MBD2: variants seen among roughly 807,000 people sequenced by gnomAD.
The protein encoded by MBD2 is methyl-CpG-binding domain protein 2.
A neutral mutation model predicts 39.3 loss-of-function variants in MBD2; 9 were observed. The ratio of observed to expected loss-of-function variants is 0.23; its 90% CI spans 0.14 to 0.40. The LOEUF is 0.40. MBD2 is among the 10% of genes least tolerant of loss of function. MBD2 has a pLI of 1.00. For synonymous variants in MBD2, 233 were observed against 211.1 expected (o/e 1.10, Z -0.90); for missense variants, 458 against 532.6 (o/e 0.86, Z 1.38).
intron 6 of MBD2, among the ~76,000 whole-genome samples, 165 bp from the exon 7 acceptor site, chr18:54,155,476 C>T (rs1330397980): frequency 6.6e-6 from 1 of 152,182 alleles, no homozygotes. Context: ...ATAAAAAGTG[C>T]TCAACATATC....
intron 3 of MBD2, 92 bp from the exon 4 acceptor site, chr18:54,166,258 C>G: frequency 1.3e-6 from 1 of 745,924 alleles, no homozygotes; most frequent in South Asian, 1.8e-5. Flanking sequence ...TAAATCATTT[C>G]AATAGTTTCC....
At chr18:54,195,243 G>C (rs1323730604) in intron 2 of MBD2, among the ~76,000 whole-genome samples, 1 of 151,858 alleles carries the variant, frequency 6.6e-6, no homozygotes, top group African/African-American at 2.4e-5. Context: ...TTTTCAGTAT[G>C]GCTTTGAAAT....
At position 54,218,921 on chromosome 18, in the gene MBD2, C is replaced by G. The variant is rs149644522; in HGVS notation, c.542+5097G>C. Among the ~76,000 whole-genome samples the G allele has an allele frequency of 2.2e-3, 332 of 150,224 alleles. 3 individuals carry two copies. The highest frequency in any genetic ancestry group is 7.6e-3 in the African/African-American group (309 of 40,586). ...AGGTTGCAGTGAGCTGAGATTGCAC[C>G]ACTGCACTCCAGCCTAGGTGACAAA... On this transcript the variant is annotated intron_variant, in intron 1 of 6. Transcript: ENST00000256429.
intron 1 of MBD2, among the ~76,000 whole-genome samples, chr18:54,222,957 A>C (rs1194636774): frequency 6.6e-6 from 1 of 152,250 alleles, no homozygotes; most frequent in Non-Finnish European, 1.5e-5. Context: ...AGAGGACAGG[A>C]AATCCTTTAT....
At position 54,192,520 on chromosome 18, in the gene MBD2, T is replaced by C. The variant is rs558042139; in HGVS notation, c.703-3509A>G. Among the ~76,000 whole-genome samples, 4 of 152,258 alleles carry C rather than the reference T, an allele frequency of 2.6e-5. No individual in the cohort carries two copies. The East Asian group carries it at 7.7e-4, about 29-fold the overall frequency. On this transcript the variant is annotated intron_variant, in intron 2 of 6. Coordinates refer to ENST00000256429, the MANE Select transcript of MBD2 (RefSeq NM_003927.5). Reference sequence around the variant, plus strand: ...TGCTGGGATTACAGACATGAGCCACTGCACCCAGCCTTTGTTCTTAATAAA... The same window carrying C: ...TGCTGGGATTACAGACATGAGCCACCGCACCCAGCCTTTGTTCTTAATAAA...
At chr18:54,205,294 AGGCGCGATGGCTCACGCC>A in intron 1 of MBD2, 137 bp from the exon 2 acceptor site, 3 of 822,774 alleles carry the variant, frequency 3.6e-6, no homozygotes, top group Non-Finnish European at 5.5e-6. Flanking sequence ...AAGTTTTGCT[AGGCGCGATGGCTCACGCC>A]TATAATCCCA....
chr18:54,209,957 A>AAAAT (rs548573271), intron 1 of MBD2, among the ~76,000 whole-genome samples: 62 of 152,232 alleles, frequency 4.1e-4, no homozygotes, highest in Non-Finnish European at 7.3e-4. Flanking sequence ...TTTTATTTTA[A>AAAAT]AAGCATCAAT....
rs2086023831 is a variant in MBD2 at position 54,151,869 on chromosome 18, C to T, written c.*3455G>A. The T allele has an allele frequency of 6.7e-6, 1 of 148,462 alleles. No homozygotes were observed. The highest frequency in any genetic ancestry group is 1.5e-5 in the Non-Finnish European group (1 of 67,452). 9.2% of individuals were successfully genotyped at this position (148,462 alleles called of 1,614,324 possible). ...AAAACACCCTGGAAGCCACCAAGGG[C>T]ATTTCTTTCCTTTATAATACATACA... is the stretch of plus-strand genomic sequence containing the variant. On this transcript the variant is annotated 3_prime_UTR_variant, in exon 7 of 7. Transcript: ENST00000256429.
Position 54,224,663 on chromosome 18 carries a change from G to A in MBD2, c.-104C>T. ...CGCGGCGCGCGGGGGACGCGCGCAA[G>A]CATCATAGAGCGGGCGCGCACAGAG... On this transcript the variant is annotated 5_prime_UTR_variant, in exon 1 of 7. Coordinates refer to ENST00000256429, the MANE Select transcript of MBD2 (RefSeq NM_003927.5). 2 of 848,464 alleles carry A rather than the reference G, an allele frequency of 2.4e-6. No homozygotes were observed. The highest frequency in any genetic ancestry group is 3.3e-5 in the East Asian group (1 of 29,914). The allele number at this position is 848,464 out of a possible 1,614,324, so 52.6% of individuals were successfully genotyped here.
chr18:54,179,807 C>T (rs970921598), intron 3 of MBD2, among the ~76,000 whole-genome samples: 1 of 152,058 alleles, frequency 6.6e-6, no homozygotes, highest in African/African-American at 2.4e-5. Context: ...AAAATGTTCC[C>T]TGACATCACG....
intron 1 of MBD2, among the ~76,000 whole-genome samples, chr18:54,212,118 C>A (rs780906590): frequency 1.5e-3 from 222 of 152,248 alleles, no homozygotes; most frequent in African/African-American, 4.5e-3. Flanking sequence ...TACCTAGTGA[C>A]CTTTGCTCCA....
intron 1 of MBD2, among the ~76,000 whole-genome samples, chr18:54,217,731 G>C (rs761630082): frequency 6.6e-6 from 1 of 152,146 alleles, no homozygotes; most frequent in East Asian, 1.9e-4. Flanking sequence ...AAAGCAATGT[G>C]AAAAAATCTA....
At chr18:54,217,639 CA>C (rs1488637697) in intron 1 of MBD2, among the ~76,000 whole-genome samples, 3 of 151,586 alleles carry the variant, frequency 2.0e-5, no homozygotes, top group African/African-American at 7.3e-5. Context: ...AAACCAAAAT[CA>C]AAAAAAGCAT....
At position 54,187,314 on chromosome 18, in the gene MBD2, C is replaced by T. The variant is rs115995817; in HGVS notation, c.840+1560G>A. On this transcript the variant is annotated intron_variant, in intron 3 of 6. Transcript: ENST00000256429. ...TTACTAATTAAAGATTACATTCCAC[C>T]TTCTTTATCTTTCAGAATTTTTGAA... 1.7e-3 allele frequency among the ~76,000 whole-genome samples: 262 copies of T among 152,222 alleles called. 3 individuals are homozygous for T. Among genetic ancestry groups the T allele is most frequent in the African/African-American group, 6.0e-3 (248 of 41,538 alleles).
At chr18:54,223,073 C>G (rs763020700) in intron 1 of MBD2, among the ~76,000 whole-genome samples, 5 of 152,146 alleles carry the variant, frequency 3.3e-5, no homozygotes, top group Non-Finnish European at 4.4e-5. Flanking sequence ...CTACTGAATA[C>G]AAGTTTATAT....
rs55868348 is a variant in MBD2 at position 54,153,268 on chromosome 18, G to A, written c.*2056C>T. ...TGGGCTTCTGCCTTGCGTAACTGGAGAAGATGGCTTGCTTTTACCAGAGTG... is the reference window on the plus strand; with the variant it reads ...TGGGCTTCTGCCTTGCGTAACTGGAAAAGATGGCTTGCTTTTACCAGAGTG... On this transcript the variant is annotated 3_prime_UTR_variant, in exon 7 of 7. Transcript: ENST00000256429. 2 of 152,436 alleles carry A rather than the reference G, an allele frequency of 1.3e-5. 1 individual carries two copies. Among genetic ancestry groups the A allele is most frequent in the South Asian group, 4.1e-4 (2 of 4,824 alleles). The allele number at this position is 152,436 out of a possible 1,614,324, so 9.4% of individuals were successfully genotyped here. A position where few individuals can be genotyped will look rare whatever the true frequency, so the allele number is the denominator to read the frequency against.
At chr18:54,216,111 A>C (rs1183539453) in intron 1 of MBD2, among the ~76,000 whole-genome samples, 1 of 152,200 alleles carries the variant, frequency 6.6e-6, no homozygotes. Context: ...CCAGCCCTTG[A>C]AGATAGATTT....
At chr18:54,201,868 A>T (rs2086410746) in intron 2 of MBD2, among the ~76,000 whole-genome samples, 1 of 151,972 alleles carries the variant, frequency 6.6e-6, no homozygotes, top group African/African-American at 2.4e-5. Context: ...ATCTCAAAAA[A>T]AAAAAAAAAA....
intron 3 of MBD2, among the ~76,000 whole-genome samples, chr18:54,176,384 T>G (rs1326092757): frequency 6.6e-6 from 1 of 152,262 alleles, no homozygotes; most frequent in Non-Finnish European, 1.5e-5. Context: ...AGAATACAAA[T>G]CTTTTATCAA....
Sources: gnomAD v4.1 joint callset for allele counts (sites outside exome capture counted in the v4.1 genomes callset) on GRCh38, gnomAD v4.1.1 for gene constraint, MANE v1.5 for transcripts, NCBI Gene and HGNC (gene_info 2026-07-23, HGNC 2026-07-21) for gene names.